GAPVD1: variants seen among roughly 807,000 people sequenced by gnomAD.
The protein encoded by GAPVD1 is GTPase activating protein and VPS9 domains 1, also known as GTPase-activating protein and VPS9 domain-containing protein 1.
GAPVD1 carries 35 observed loss-of-function variants against 155.5 expected under a neutral mutation model. The observed-to-expected ratio is 0.23, with a 90% CI of 0.17 to 0.30. The LOEUF (loss-of-function observed/expected upper bound fraction) is 0.30. Among genes scored for constraint, GAPVD1 ranks in the 10% least tolerant of loss-of-function variants. The probability of loss-of-function intolerance (pLI) is 1.00; values close to 1 mark genes in which losing one functional copy is unlikely to be tolerated. For missense variants in GAPVD1, 1,429 were observed against 1,775.7 expected, an observed-to-expected ratio of 0.80 and a Z score of 3.51; for synonymous variants, 636 against 619.7, an observed-to-expected ratio of 1.03 and a Z score of -0.39.
At chr9:125,340,681 A>G (rs150147649) in intron 17 of GAPVD1, among the ~76,000 whole-genome samples, 67 of 152,138 alleles carry the variant, frequency 4.4e-4, no homozygotes, top group Non-Finnish European at 5.0e-4. Flanking sequence ...GTATTTATTG[A>G]GTGCCTAGTC....
At chr9:125,287,405 G>T (rs963107902) in intron 2 of GAPVD1, among the ~76,000 whole-genome samples, 6 of 152,114 alleles carry the variant, frequency 3.9e-5, no homozygotes, top group African/African-American at 1.4e-4. Context: ...GGGCATGGTG[G>T]TGCATGCCTG....
Position 125,330,133 on chromosome 9 carries a change from A to G in GAPVD1, c.2088A>G (p.Ser696=). The G allele has an allele frequency of 6.2e-7, 1 of 1,612,388 alleles. No individual in the cohort carries two copies. Residue 696 remains serine, a synonymous_variant, in exon 13 of 28, where the codon TCA becomes TCG. Transcript: ENST00000297933. ...TGCTGTGCCTCCCAGGTTCAGGGTC[A>G]GTGCTTCTTGACCCCTGCACTGGTT... ...GSLLCLPGSG[S]VLLDPCTGST... is the part of the protein sequence containing the mutation.
In GAPVD1 at chr9:125,307,490, T is replaced by A. The variant is rs1842037285; in HGVS notation, c.1194T>A (p.Leu398=). 6.2e-7 allele frequency: 1 copy of A among 1,611,184 alleles called. No individual in the cohort carries two copies. Residue 398 remains leucine (L), a synonymous_variant, in exon 7 of 28, where the codon CTT becomes CTA. Transcript: ENST00000297933. ...CCCCTCCATTGTCTTCCGTCAATCT[T>A]CTGGAAGGATTGAGCAGAACTGTGG... ...VETPPLSSVN[L]LEGLSRTVVY... is the part of the protein sequence containing the mutation.
chr9:125,275,221 G>A (rs141897095), intron 2 of GAPVD1, among the ~76,000 whole-genome samples: 190 of 151,840 alleles, frequency 1.3e-3, no homozygotes, highest in African/African-American at 4.1e-3. Context: ...GATTACAGGC[G>A]CCTGCCACCA....
intron 13 of GAPVD1, among the ~76,000 whole-genome samples, chr9:125,330,863 G>C (rs1378616623): frequency 6.6e-6 from 1 of 152,172 alleles, no homozygotes; most frequent in African/African-American, 2.4e-5. Flanking sequence ...TAGCAACACA[G>C]TTCAAACTGA....
chr9:125,290,500 G>A (rs550862290), intron 2 of GAPVD1, among the ~76,000 whole-genome samples: 1 of 152,200 alleles, frequency 6.6e-6, no homozygotes, highest in Non-Finnish European at 1.5e-5. Flanking sequence ...CTGTGAGCTT[G>A]TGGAAAGTCT....
At chr9:125,287,466 C>T (rs1462215650) in intron 2 of GAPVD1, among the ~76,000 whole-genome samples, 1 of 152,010 alleles carries the variant, frequency 6.6e-6, no homozygotes, top group African/African-American at 2.4e-5. Context: ...GATGGTGCCG[C>T]TGCACTCCAG....
intron 19 of GAPVD1, chr9:125,345,741 T>C (rs777703992): frequency 3.9e-5 from 6 of 152,188 alleles, no homozygotes; most frequent in Admixed American, 3.3e-4. Flanking sequence ...GTAGTTGAGA[T>C]AATCTCTGTA....
At chr9:125,272,042 G>T (rs1834999980) in intron 2 of GAPVD1, among the ~76,000 whole-genome samples, 1 of 150,608 alleles carries the variant, frequency 6.6e-6, no homozygotes. Context: ...CTTTTTTTTT[G>T]AGATGGAGTT....
intron 2 of GAPVD1, among the ~76,000 whole-genome samples, chr9:125,282,444 C>T (rs1202249221): frequency 6.6e-5 from 10 of 152,218 alleles, no homozygotes; most frequent in African/African-American, 2.2e-4. Context: ...GCCTGATAGT[C>T]GGCTTTTACT....
chr9:125,267,996 C>T (rs973672523), intron 1 of GAPVD1, among the ~76,000 whole-genome samples: 1 of 151,896 alleles, frequency 6.6e-6, no homozygotes. Flanking sequence ...AATCCCATCT[C>T]TACTAAAAAT....
chr9:125,280,456 G>A (rs1252155831), intron 2 of GAPVD1, among the ~76,000 whole-genome samples: 1 of 151,082 alleles, frequency 6.6e-6, no homozygotes, highest in African/African-American at 2.4e-5. Flanking sequence ...GCCCGTAGTT[G>A]GTGTCTAGCA....
chr9:125,333,423 A>T (rs915215528), intron 15 of GAPVD1, among the ~76,000 whole-genome samples: 5 of 151,768 alleles, frequency 3.3e-5, no homozygotes, highest in African/African-American at 7.3e-5. Context: ...TAAGTACTGG[A>T]AATACCAAAA....
intron 25 of GAPVD1, among the ~76,000 whole-genome samples, chr9:125,356,146 C>G (rs536439962): frequency 6.6e-6 from 1 of 152,300 alleles, no homozygotes. Flanking sequence ...TTAAGTCTTA[C>G]TTATGCTTCA....
At chr9:125,263,738 C>T (rs748832860) in intron 1 of GAPVD1, 5 of 817,728 alleles carry the variant, frequency 6.1e-6, no homozygotes, top group South Asian at 4.0e-5. Flanking sequence ...GTATGTCTGT[C>T]AGCTTCCCCT....
At chr9:125,288,978 A>C (rs1042691244) in intron 2 of GAPVD1, among the ~76,000 whole-genome samples, 1 of 152,210 alleles carries the variant, frequency 6.6e-6, no homozygotes, top group Non-Finnish European at 1.5e-5. Flanking sequence ...AGGAAGTAAG[A>C]GGTCTGGGAT....
intron 19 of GAPVD1, among the ~76,000 whole-genome samples, chr9:125,343,936 A>G (rs1268756404): frequency 2.0e-5 from 3 of 152,206 alleles, no homozygotes; most frequent in African/African-American, 7.2e-5. Flanking sequence ...AATTATTATT[A>G]TGGTTTGTTT....
chr9:125,343,820 G>A lies in GAPVD1; in HGVS notation c.3046+1521G>A, dbSNP rs77389829. Among the ~76,000 whole-genome samples the A allele has an allele frequency of 8.1e-3, 1,237 of 152,302 alleles. 15 individuals are homozygous for A. The highest frequency in any genetic ancestry group is 0.028 in the African/African-American group (1,173 of 41,574). ...TGGCAAAGTATTTCTGTATCCTTAC[G>A]ACATGTTCCTAATGTTAGAAGAACA... On this transcript the variant is annotated intron_variant, in intron 19 of 27. Transcript: ENST00000297933.
Position 125,326,496 on chromosome 9 carries a change from A to G in GAPVD1, c.1939A>G (p.Ile647Val), listed in dbSNP as rs1243643057. 1.2e-6 allele frequency: 2 copies of G among 1,607,096 alleles called. No homozygotes were observed. The highest frequency in any genetic ancestry group is 1.7e-5 in the Admixed American group (1 of 60,026). ...DMMGLTDDRD[I>V]SETVSETWST... ...GATGGGATTAACAGATGATAGGGAC[A>G]TATCAGAAACAGTGAGTGAGACCTG... The change falls in exon 12 of 28, where the codon ATA becomes GTA. Residue 647 changes from isoleucine (I) to valine (V), a missense_variant. Transcript: ENST00000297933.
Sources: gnomAD v4.1 joint callset for allele counts (sites outside exome capture counted in the v4.1 genomes callset) on GRCh38, gnomAD v4.1.1 for gene constraint, MANE v1.5 for transcripts, NCBI Gene and HGNC (gene_info 2026-07-23, HGNC 2026-07-21) for gene names.